SRPK2: variants seen among roughly 807,000 people sequenced by gnomAD.
SRPK2 encodes SFRS protein kinase 2.
A neutral mutation model predicts 90.8 loss-of-function variants in SRPK2; 21 were observed. The ratio of observed to expected loss-of-function variants is 0.23; its 90% CI spans 0.16 to 0.33. The LOEUF is 0.33. Ranked by LOEUF, SRPK2 falls within the 10% of genes least tolerant of loss-of-function variation. The pLI, the probability that SRPK2 is intolerant of heterozygous loss-of-function variation, is 1.00. For synonymous variants in SRPK2, 288 were observed against 311.1 expected, an observed-to-expected ratio of 0.93 and a Z score of 0.78; for missense variants, 620 against 869.0, an observed-to-expected ratio of 0.71 and a Z score of 3.60.
chr7:105,200,123 G>A (rs1276610986), intron 3 of SRPK2, among the ~76,000 whole-genome samples: 1 of 152,076 alleles, frequency 6.6e-6, no homozygotes, highest in East Asian at 1.9e-4. Flanking sequence ...CCAACATGGT[G>A]AAACCCCATC....
intron 3 of SRPK2, among the ~76,000 whole-genome samples, chr7:105,191,629 C>A (rs1389082878): frequency 6.6e-6 from 1 of 152,148 alleles, no homozygotes; most frequent in Non-Finnish European, 1.5e-5. Flanking sequence ...CCAGAAGGTA[C>A]TATTCTTCTG....
At chr7:105,159,469 A>AAAAAAAAAAAAAAAAAAAAC in intron 7 of SRPK2, among the ~76,000 whole-genome samples, 2 of 149,598 alleles carry the variant, frequency 1.3e-5, no homozygotes, top group South Asian at 2.1e-4. Flanking sequence ...AAAAAAAAAA[A>AAAAAAAAAAAAAAAAAAAAC]AAAACCGTAC....
intron 15 of SRPK2, among the ~76,000 whole-genome samples, chr7:105,118,353 A>G (rs1012780334): frequency 1.1e-4 from 16 of 152,294 alleles, no homozygotes; most frequent in African/African-American, 3.4e-4. Flanking sequence ...TCTCATTTCA[A>G]CCTGGGATCT....
At chr7:105,258,417 CAAAAAA>C (rs33941320) in intron 2 of SRPK2, among the ~76,000 whole-genome samples, 3 of 121,618 alleles carry the variant, frequency 2.5e-5, no homozygotes, top group Admixed American at 1.8e-4. Flanking sequence ...AACTCGGTCT[CAAAAAA>C]AAAAAAAAAA....
At chr7:105,244,730 AGCC>A in intron 2 of SRPK2, 9 of 1,156,778 alleles carry the variant, frequency 7.8e-6, no homozygotes, top group South Asian at 1.3e-5. Flanking sequence ...GCCCAGGCAC[AGCC>A]GCCGCCGCGG....
chr7:105,169,912 C>T (rs1047021095), intron 3 of SRPK2, among the ~76,000 whole-genome samples: 7 of 152,148 alleles, frequency 4.6e-5, no homozygotes, highest in Non-Finnish European at 7.3e-5. Context: ...GATTCCCAGG[C>T]TGAAGAGGTC....
chr7:105,315,308 C>G (rs1338966160), intron 2 of SRPK2, among the ~76,000 whole-genome samples: 2 of 152,056 alleles, frequency 1.3e-5, no homozygotes, highest in African/African-American at 2.4e-5. Flanking sequence ...GCTAAACTGA[C>G]TATAAGAATT....
chr7:105,383,254 T>A (rs1821164809), intron 2 of SRPK2, among the ~76,000 whole-genome samples: 1 of 150,848 alleles, frequency 6.6e-6, no homozygotes, highest in Non-Finnish European at 1.5e-5. Flanking sequence ...TTTTTTTTAG[T>A]AGAGACGGGG....
chr7:105,291,498 G>A (rs1809012065), intron 2 of SRPK2, among the ~76,000 whole-genome samples: 1 of 151,954 alleles, frequency 6.6e-6, no homozygotes. Context: ...TGAGGCCGAG[G>A]CAGGTGGATC....
intron 2 of SRPK2, among the ~76,000 whole-genome samples, chr7:105,382,081 T>C (rs1821011120): frequency 6.6e-6 from 1 of 151,672 alleles, no homozygotes. Flanking sequence ...GCCAGGAGAA[T>C]CGCTTGAACC....
At chr7:105,353,402 C>T (rs1273624758) in intron 2 of SRPK2, among the ~76,000 whole-genome samples, 2 of 152,060 alleles carry the variant, frequency 1.3e-5, no homozygotes, top group Non-Finnish European at 2.9e-5. Context: ...TGCAGTGGTG[C>T]AATCATGGCT....
chr7:105,350,069 T>G lies in SRPK2; in HGVS notation c.71+38579A>C, dbSNP rs1816974080. On this transcript the variant is annotated intron_variant, in intron 2 of 15. Coordinates refer to ENST00000393651, the MANE Select transcript of SRPK2 (RefSeq NM_182692.3). ...GCCTGTCTTAATACAGCAGGCATTATGCTAAATATATCACCTGAATTTTTA... is the reference window on the plus strand; with the variant it reads ...GCCTGTCTTAATACAGCAGGCATTAGGCTAAATATATCACCTGAATTTTTA... Among the ~76,000 whole-genome samples, 2 of 150,646 alleles carry G rather than the reference T, an allele frequency of 1.3e-5. 1 individual carries two copies. The highest frequency in any genetic ancestry group is 3.0e-5 in the Non-Finnish European group (2 of 67,350).
At chr7:105,268,742 T>A in intron 2 of SRPK2, 1 of 1,517,170 alleles carries the variant, frequency 6.6e-7, no homozygotes, top group Middle Eastern at 1.8e-4. Context: ...AAAAAAAATA[T>A]GTCCTGGTTT....
intron 7 of SRPK2, among the ~76,000 whole-genome samples, chr7:105,148,340 T>C (rs1804975208): frequency 6.6e-6 from 1 of 152,208 alleles, no homozygotes; most frequent in Non-Finnish European, 1.5e-5. Flanking sequence ...AGCATTATAC[T>C]AAAAGAAAGT....
intron 2 of SRPK2, among the ~76,000 whole-genome samples, chr7:105,291,956 C>T (rs1809084998): frequency 6.6e-6 from 1 of 152,196 alleles, no homozygotes; most frequent in Admixed American, 6.5e-5. Flanking sequence ...ATATTTTAAA[C>T]AGAAGAATAA....
rs546170449 is a variant in SRPK2 at position 105,278,107 on chromosome 7, G to A, written c.72-74322C>T. ...GAGGCAGGCAGATCACTTGAGATCAGGAATTCGAAACCAGCCTGGCCAACA... is the reference window on the plus strand; with the variant it reads ...GAGGCAGGCAGATCACTTGAGATCAAGAATTCGAAACCAGCCTGGCCAACA... On this transcript the variant is annotated intron_variant, in intron 2 of 15. Transcript: ENST00000393651. Among the ~76,000 whole-genome samples, 38 of 152,196 alleles carry A rather than the reference G, an allele frequency of 2.5e-4. No homozygotes were observed. In the East Asian group the frequency reaches 5.2e-3, roughly 21 times the overall value.
At chr7:105,149,143 G>C (rs1482506532) in intron 7 of SRPK2, among the ~76,000 whole-genome samples, 1 of 152,184 alleles carries the variant, frequency 6.6e-6, no homozygotes, top group East Asian at 1.9e-4. Flanking sequence ...AGTTGAGATA[G>C]AGGAAGGCCA....
At chr7:105,299,570 A>G (rs1305530381) in intron 2 of SRPK2, among the ~76,000 whole-genome samples, 4 of 152,240 alleles carry the variant, frequency 2.6e-5, no homozygotes, top group South Asian at 2.1e-4. Flanking sequence ...CACAAGAAGC[A>G]TAACTCATTT....
intron 2 of SRPK2, among the ~76,000 whole-genome samples, chr7:105,241,046 A>T (rs1028202019): frequency 6.6e-6 from 1 of 152,232 alleles, no homozygotes; most frequent in Non-Finnish European, 1.5e-5. Context: ...AAAGCACAGA[A>T]ATGGTGTCAG....
Sources: gnomAD v4.1 joint callset for allele counts (sites outside exome capture counted in the v4.1 genomes callset) on GRCh38, gnomAD v4.1.1 for gene constraint, MANE v1.5 for transcripts, NCBI Gene and HGNC (gene_info 2026-07-23, HGNC 2026-07-21) for gene names.